The following DYDC2 variants were observed in gnomAD, a reference collection of about 807,000 sequenced individuals.
DYDC2 encodes DPY30 domain containing 2, also known as DPY30 domain-containing protein 2.
DYDC2 carries 19 observed loss-of-function variants against 18.7 expected under a neutral mutation model. The observed-to-expected ratio is 1.02, with a 90% confidence interval of 0.71 to 1.49. DYDC2 has a LOEUF of 1.49. DYDC2 is among the 40% of genes most tolerant of loss of function. The probability of loss-of-function intolerance (pLI) is 0.00; values close to 1 mark genes in which losing one functional copy is unlikely to be tolerated. For synonymous variants in DYDC2, 63 were observed against 67.6 expected (o/e 0.93, Z 0.34); for missense variants, 179 against 205.1 (o/e 0.87, Z 0.78).
intron 2 of DYDC2, among the ~76,000 whole-genome samples, chr10:80,359,955 G>T (rs1317651247): frequency 1.3e-5 from 2 of 152,228 alleles, no homozygotes; most frequent in East Asian, 3.9e-4. Context: ...GGGCTGAAGG[G>T]CTCCTCAAGC....
chr10:80,350,937 A>G (rs564875111), intron 1 of DYDC2, among the ~76,000 whole-genome samples: 2 of 152,330 alleles, frequency 1.3e-5, no homozygotes, highest in African/African-American at 4.8e-5. Flanking sequence ...TTCAATTAAA[A>G]GGTCTGCCTG....
upstream of DYDC2, among the ~76,000 whole-genome samples, chr10:80,355,862 A>G (rs1843334069): frequency 6.6e-6 from 1 of 152,160 alleles, no homozygotes; most frequent in Admixed American, 6.6e-5. Flanking sequence ...TGTCTCAACC[A>G]TACAGAGAAA....
upstream of DYDC2, chr10:80,352,301 T>A (rs1300057031): frequency 6.1e-6 from 7 of 1,150,962 alleles, no homozygotes; most frequent in Admixed American, 2.1e-4. Context: ...CTTTGGGTAA[T>A]GTTTTCTCCT....
chr10:80,349,246 TCAAC>T (rs1276077045), intron 1 of DYDC2, among the ~76,000 whole-genome samples: 1 of 152,236 alleles, frequency 6.6e-6, no homozygotes, highest in Non-Finnish European at 1.5e-5. Context: ...ACGCTGAACT[TCAAC>T]CAAGTGAAAT....
chr10:80,352,427 A>G, upstream of DYDC2: 1 of 1,534,418 alleles, frequency 6.5e-7, no homozygotes, highest in Non-Finnish European at 8.7e-7. Flanking sequence ...TTTTTCTTCT[A>G]ATTTCCTAGA....
At chr10:80,347,102 G>A (rs1842689268) in intron 1 of DYDC2, among the ~76,000 whole-genome samples, 3 of 151,446 alleles carry the variant, frequency 2.0e-5, no homozygotes, top group African/African-American at 7.3e-5. Flanking sequence ...AAAAAAAGCA[G>A]CCATCCTAAT....
intron 1 of DYDC2, among the ~76,000 whole-genome samples, chr10:80,350,486 A>C (rs1018124460): frequency 1.3e-5 from 2 of 152,172 alleles, no homozygotes; most frequent in Non-Finnish European, 2.9e-5. Flanking sequence ...TTTGGATGAC[A>C]GTTGACACCC....
chr10:80,354,506 A>AG (rs1843234777), upstream of DYDC2: 1 of 151,006 alleles, frequency 6.6e-6, no homozygotes, highest in African/African-American at 2.4e-5. Flanking sequence ...AAAAAAAAAA[A>AG]GAATACCTAT....
chr10:80,357,709 T>C (rs1279032815), intron 1 of DYDC2, among the ~76,000 whole-genome samples, 184 bp from the exon 2 acceptor site: 1 of 152,166 alleles, frequency 6.6e-6, no homozygotes, highest in East Asian at 1.9e-4. Flanking sequence ...CCTAGTCGTC[T>C]GTGCATGTGC....
At chr10:80,353,383 C>T (rs539875652), upstream of DYDC2, among the ~76,000 whole-genome samples, 2 of 151,410 alleles carry the variant, frequency 1.3e-5, no homozygotes, top group East Asian at 2.0e-4. Flanking sequence ...AGGATGGTCT[C>T]GATCTCCTGA....
chr10:80,356,985 A>T (rs1360935327), intron 1 of DYDC2, among the ~76,000 whole-genome samples, 160 bp downstream of exon 1: 2 of 120,622 alleles, frequency 1.7e-5, no homozygotes, highest in Non-Finnish European at 3.5e-5. Context: ...CCCGCCGCAG[A>T]GTAGAGGGGG....
At chr10:80,346,444 C>CT (rs1032729095) in intron 1 of DYDC2, among the ~76,000 whole-genome samples, 11,244 of 82,510 alleles carry the variant, frequency 0.14, 1,907 homozygotes, top group East Asian at 0.21. Flanking sequence ...TCTTCCCTTT[C>CT]TTTTTTTTTT....
intron 2 of DYDC2, among the ~76,000 whole-genome samples, chr10:80,358,817 G>A (rs764399485): frequency 6.6e-6 from 1 of 152,164 alleles, no homozygotes; most frequent in Non-Finnish European, 1.5e-5. Context: ...GACCCTCACA[G>A]TGAGTATTAC....
intron 2 of DYDC2, among the ~76,000 whole-genome samples, 196 bp downstream of exon 2, chr10:80,358,241 G>A (rs1843506624): frequency 6.6e-6 from 1 of 152,146 alleles, no homozygotes. Flanking sequence ...AGCCAGGTGT[G>A]GTGGCGCACA....
intron 4 of DYDC2, among the ~76,000 whole-genome samples, chr10:80,365,700 A>G (rs1843809741): frequency 6.6e-6 from 1 of 152,154 alleles, no homozygotes. Context: ...ATATTGTCTC[A>G]TAGGTCACTG....
chr10:80,352,528 C>A (rs368762666), upstream of DYDC2: 5 of 1,613,464 alleles, frequency 3.1e-6, no homozygotes, highest in Non-Finnish European at 3.4e-6. Flanking sequence ...ATCCACTGGG[C>A]GAACTCTTGC....
chr10:80,362,451 C>CT lies in DYDC2; in HGVS notation c.9dup (p.Asn4Ter), dbSNP rs1470325841. 6.2e-7 allele frequency: 1 copy of CT among 1,612,586 alleles called. No individual in the cohort carries two copies. Among genetic ancestry groups the CT allele is most frequent in the Non-Finnish European group, 8.5e-7 (1 of 1,179,362 alleles). ...GTTTTCCAGGCTGCCAGGATGGAAACTAACTACCTGAAGAGGTGCTTTGGA... is the reference window on the plus strand; with the variant it reads ...GTTTTCCAGGCTGCCAGGATGGAAACTTAACTACCTGAAGAGGTGCTTTGGA... On this transcript the variant is annotated frameshift_variant, in exon 3 of 5. Transcript: ENST00000256039. LOFTEE classifies it high-confidence loss of function.
rs1219685466 is a variant in DYDC2, at chr10:80,362,575, A to G, written c.132A>G (p.Ala44=). ...GGCTTTATCATTACAGGAAAACAGC[A>G]AAAGCAAAAGAAGAGGTGTGTATGT... ...AHWLYHYRKT[A]KAKEENREKK... is the part of the protein sequence containing the mutation. The change falls in exon 3 of 5, where the codon GCA becomes GCG. Residue 44 remains alanine, a synonymous_variant. Coordinates refer to ENST00000256039, the MANE Select transcript of DYDC2 (RefSeq NM_032372.6). 6.2e-7 allele frequency: 1 copy of G among 1,611,424 alleles called. No individual in the cohort carries two copies. Among genetic ancestry groups the G allele is most frequent in the South Asian group, 1.1e-5 (1 of 90,826 alleles).
chr10:80,362,439 CCAGGATGGAAA>C lies in DYDC2; in HGVS notation c.-3_8del. Reference sequence around the variant, plus strand: ...CTTTGTTTTGATGTTTTCCAGGCTGCCAGGATGGAAACTAACTACCTGAAGAGGTGCTTTGG... The same window carrying C: ...CTTTGTTTTGATGTTTTCCAGGCTGCCTAACTACCTGAAGAGGTGCTTTGG... On this transcript the variant is annotated start_lost and 5_prime_UTR_variant, in exon 3 of 5. Coordinates refer to ENST00000256039, the MANE Select transcript of DYDC2 (RefSeq NM_032372.6). The C allele has an allele frequency of 1.9e-6, 3 of 1,608,646 alleles. No individual in the cohort carries two copies. The South Asian group carries it at 3.3e-5, about 18-fold the overall frequency.
Sources: gnomAD v4.1 joint callset for allele counts (sites outside exome capture counted in the v4.1 genomes callset) on GRCh38, gnomAD v4.1.1 for gene constraint, MANE v1.5 for transcripts, NCBI Gene and HGNC (gene_info 2026-07-23, HGNC 2026-07-21) for gene names.